MYO9A: variants seen among roughly 807,000 people sequenced by gnomAD.
The protein encoded by MYO9A is myosin IXA, also known as unconventional myosin-IXa.
MYO9A carries 103 observed loss-of-function variants against 293.3 expected under a neutral mutation model. That is an observed-to-expected ratio of 0.35 (90% CI 0.30 to 0.41). The LOEUF (loss-of-function observed/expected upper bound fraction) is 0.41. Ranked by LOEUF, MYO9A falls within the 10% of genes least tolerant of loss-of-function variation. The pLI is 1.00. For missense variants in MYO9A, 2,685 were observed against 3,033.0 expected (o/e 0.89, Z 2.69); for synonymous variants, 1,001 against 1,035.7 (o/e 0.97, Z 0.64).
chr15:71,884,381 T>G (rs1690381979), intron 27 of MYO9A, among the ~76,000 whole-genome samples: 1 of 152,212 alleles, frequency 6.6e-6, no homozygotes, highest in South Asian at 2.1e-4. Context: ...TTATTTGAAC[T>G]TGTATCTTTC....
At chr15:71,886,233 G>T (rs1031908842) in intron 27 of MYO9A, among the ~76,000 whole-genome samples, 1 of 150,568 alleles carries the variant, frequency 6.6e-6, no homozygotes, top group Non-Finnish European at 1.5e-5. Context: ...CTGCTTGGAA[G>T]CTCTAGTGTG....
chr15:71,824,724 T>C lies in MYO9A; in HGVS notation c.*1856A>G, dbSNP rs2054398947. On this transcript the variant is annotated 3_prime_UTR_variant, in exon 42 of 42. Coordinates refer to ENST00000356056, the MANE Select transcript of MYO9A (RefSeq NM_006901.4). The stretch of plus-strand genomic sequence containing the variant: ...TGTCTGTGGGATATAAAGCATAACA[T>C]TTGCTCATTAACTATCATTATTCTG... 6.6e-6 allele frequency: 1 copy of C among 152,224 alleles called. No homozygotes were observed. Among genetic ancestry groups the C allele is most frequent in the Admixed American group, 6.5e-5 (1 of 15,286 alleles). The allele number at this position is 152,224 out of a possible 1,614,324, so 9.4% of individuals were successfully genotyped here.
chr15:72,104,600 T>C (rs1480497954), intron 1 of MYO9A, among the ~76,000 whole-genome samples: 2 of 152,220 alleles, frequency 1.3e-5, no homozygotes, highest in Non-Finnish European at 2.9e-5. Flanking sequence ...ACAACTTCCA[T>C]TCTGATTAAA....
chr15:71,921,972 T>G lies in MYO9A; in HGVS notation c.2563-5480A>C, dbSNP rs1196431592. ...TGCATGCTGCTTCCTGGCAATCTTT[T>G]TCTACTTTTTTTTTTATTTTTTGAG... On this transcript the variant is annotated intron_variant, in intron 18 of 41. Transcript: ENST00000356056. Among the ~76,000 whole-genome samples, 3 of 152,040 alleles carry G rather than the reference T, an allele frequency of 2.0e-5. No homozygotes were observed. The East Asian group carries it at 5.8e-4, about 29-fold the overall frequency.
At chr15:72,112,228 T>TA (rs916029974) in intron 1 of MYO9A, among the ~76,000 whole-genome samples, 4 of 151,230 alleles carry the variant, frequency 2.6e-5, no homozygotes, top group Admixed American at 1.3e-4. Flanking sequence ...AATAAATAAA[T>TA]AAAAAAAACA....
At chr15:72,098,007 A>T (rs1175120070) in intron 1 of MYO9A, among the ~76,000 whole-genome samples, 5 of 152,308 alleles carry the variant, frequency 3.3e-5, no homozygotes, top group African/African-American at 4.8e-5. Context: ...GAAAACAATT[A>T]ACTAGAAATC....
intron 12 of MYO9A, among the ~76,000 whole-genome samples, chr15:71,976,645 A>G (rs10518979): frequency 0.2 from 30,526 of 152,212 alleles, 3,288 homozygotes; most frequent in East Asian, 0.41. Context: ...GTGAATTACA[A>G]ACCTTACAAT....
In MYO9A at chr15:72,072,154, C is replaced by T. The variant is rs368888001; in HGVS notation, c.-71-25520G>A. On this transcript the variant is annotated intron_variant, in intron 1 of 41. Coordinates refer to ENST00000356056, the MANE Select transcript of MYO9A (RefSeq NM_006901.4). ...ATTCTTTTTCTTTTTTTTTTGGAGACGGAGTCTTGCTCTGTCACCCAGGCT... is the reference window on the plus strand; with the variant it reads ...ATTCTTTTTCTTTTTTTTTTGGAGATGGAGTCTTGCTCTGTCACCCAGGCT... Among the ~76,000 whole-genome samples, 20 of 148,240 alleles carry T rather than the reference C, an allele frequency of 1.3e-4. 1 individual carries two copies. The highest frequency in any genetic ancestry group is 2.2e-4 in the Non-Finnish European group (15 of 67,260).
At chr15:71,955,226 C>G (rs2059150975) in intron 14 of MYO9A, among the ~76,000 whole-genome samples, 1 of 151,714 alleles carries the variant, frequency 6.6e-6, no homozygotes, top group Admixed American at 6.6e-5. Flanking sequence ...CTCCTGGATT[C>G]AAGCTATTCT....
At chr15:71,901,640 T>TA (rs1156585237) in intron 22 of MYO9A, among the ~76,000 whole-genome samples, 1 of 138,996 alleles carries the variant, frequency 7.2e-6, no homozygotes, top group East Asian at 2.1e-4. Flanking sequence ...TACGGCAAAA[T>TA]AGAGAGACCT....
chr15:71,945,384 C>T (rs2058886220), intron 15 of MYO9A, among the ~76,000 whole-genome samples: 1 of 152,090 alleles, frequency 6.6e-6, no homozygotes, highest in Non-Finnish European at 1.5e-5. Context: ...AAGGAAATTG[C>T]AGTCTTTTAC....
chr15:72,039,711 C>T (rs894099426), intron 2 of MYO9A, among the ~76,000 whole-genome samples: 2 of 152,074 alleles, frequency 1.3e-5, no homozygotes, highest in African/African-American at 4.8e-5. Flanking sequence ...CACCTATAGT[C>T]CCAGCTACTC....
chr15:72,081,191 T>C (rs1041462948), intron 1 of MYO9A, among the ~76,000 whole-genome samples: 2 of 152,174 alleles, frequency 1.3e-5, no homozygotes, highest in African/African-American at 4.8e-5. Flanking sequence ...CAACTCTGTA[T>C]ATGTGTTCCT....
intron 1 of MYO9A, among the ~76,000 whole-genome samples, chr15:72,104,828 T>A (rs537497337): frequency 6.6e-6 from 1 of 152,212 alleles, no homozygotes; most frequent in African/African-American, 2.4e-5. Flanking sequence ...AATCTGAGAT[T>A]TAAGACAAAA....
intron 1 of MYO9A, among the ~76,000 whole-genome samples, chr15:72,086,550 G>A (rs545254394): frequency 6.6e-6 from 1 of 152,210 alleles, no homozygotes; most frequent in East Asian, 1.9e-4. Flanking sequence ...TGGCAGCAGT[G>A]GCACAGGGTA....
chr15:72,064,900 C>A (rs1283328062), intron 1 of MYO9A, among the ~76,000 whole-genome samples: 1 of 152,056 alleles, frequency 6.6e-6, no homozygotes, highest in Non-Finnish European at 1.5e-5. Context: ...CTAGAATAGC[C>A]AAGACAATCT....
rs114568324 is a variant in MYO9A, at chr15:72,022,681, G to A, written c.999-1664C>T. ...TCCCACTTCAGCCTCCCTAGTAGCTGGGACCACAGGTGTGCACCACCAAAT... is the reference window on the plus strand; with the variant it reads ...TCCCACTTCAGCCTCCCTAGTAGCTAGGACCACAGGTGTGCACCACCAAAT... On this transcript the variant is annotated intron_variant, in intron 4 of 41. Coordinates refer to ENST00000356056, the MANE Select transcript of MYO9A (RefSeq NM_006901.4). Among the ~76,000 whole-genome samples, 759 of 152,114 alleles carry A rather than the reference G, an allele frequency of 5.0e-3. 7 individuals are homozygous for A. The highest frequency in any genetic ancestry group is 0.017 in the African/African-American group (721 of 41,496).
chr15:71,955,129 CTTTT>C (rs796862707), intron 14 of MYO9A, among the ~76,000 whole-genome samples: 1 of 142,134 alleles, frequency 7.0e-6, no homozygotes, highest in Non-Finnish European at 1.5e-5. Context: ...AATTTATTAC[CTTTT>C]TTTTTTTTTT....
chr15:71,970,057 G>C (rs1024757793), intron 12 of MYO9A, among the ~76,000 whole-genome samples: 2 of 152,166 alleles, frequency 1.3e-5, no homozygotes, highest in African/African-American at 4.8e-5. Context: ...TTCACAAAAT[G>C]CTGCCTTAAA....
Sources: gnomAD v4.1 joint callset for allele counts (sites outside exome capture counted in the v4.1 genomes callset) on GRCh38, gnomAD v4.1.1 for gene constraint, MANE v1.5 for transcripts, NCBI Gene and HGNC (gene_info 2026-07-23, HGNC 2026-07-21) for gene names.